PGAP4: variants seen among roughly 807,000 people sequenced by gnomAD.
The protein encoded by PGAP4 is post-GPI attachment to proteins GalNAc transferase 4.
Under a neutral mutation model 28.2 loss-of-function variants are expected in PGAP4, and 12 were observed. That is an observed-to-expected ratio of 0.42 (90% CI 0.27 to 0.69). The LOEUF is 0.69. Ranked by LOEUF, PGAP4 falls within the 30% of genes least tolerant of loss-of-function variation. The pLI is 0.22. For synonymous variants in PGAP4, 205 were observed against 211.8 expected, an observed-to-expected ratio of 0.97 and a Z score of 0.28; for missense variants, 425 against 513.5, an observed-to-expected ratio of 0.83 and a Z score of 1.67.
chr9:101,515,986 T>C (rs1270847586), intron 2 of PGAP4, among the ~76,000 whole-genome samples: 1 of 152,124 alleles, frequency 6.6e-6, no homozygotes, highest in Admixed American at 6.6e-5. Flanking sequence ...ATGTTAATTA[T>C]CTTGATTTAG....
upstream of PGAP4, among the ~76,000 whole-genome samples, chr9:101,487,599 C>T (rs1405609930): frequency 6.6e-6 from 1 of 152,158 alleles, no homozygotes; most frequent in Non-Finnish European, 1.5e-5. Context: ...GTAACAGCCT[C>T]CTACATTCCA....
chr9:101,493,299 G>A (rs1452856601), intron 2 of PGAP4, among the ~76,000 whole-genome samples: 1 of 151,222 alleles, frequency 6.6e-6, no homozygotes, highest in African/African-American at 2.4e-5. Context: ...ACTAAGTGCA[G>A]TCTTATCTTT....
intron 1 of PGAP4, among the ~76,000 whole-genome samples, chr9:101,481,809 T>C (rs929410164): frequency 6.6e-6 from 1 of 152,192 alleles, no homozygotes; most frequent in Non-Finnish European, 1.5e-5. Context: ...GCACGACCAC[T>C]TTCCCAGGCA....
intron 2 of PGAP4, among the ~76,000 whole-genome samples, chr9:101,509,930 G>A (rs1358859859): frequency 2.6e-5 from 4 of 152,120 alleles, no homozygotes; most frequent in Admixed American, 6.6e-5. Context: ...ATATGTAATC[G>A]TTCAAAGACT....
At chr9:101,495,183 TTTGTATA>T (rs1162847384) in intron 2 of PGAP4, among the ~76,000 whole-genome samples, 6 of 104,630 alleles carry the variant, frequency 5.7e-5, no homozygotes, top group Non-Finnish European at 7.3e-5. Flanking sequence ...ATATATATTT[TTTGTATA>T]ATATAAAATA....
At chr9:101,501,346 T>A (rs1314391298) in intron 2 of PGAP4, among the ~76,000 whole-genome samples, 1 of 152,094 alleles carries the variant, frequency 6.6e-6, no homozygotes, top group Non-Finnish European at 1.5e-5. Context: ...CTGGATCTGA[T>A]GGCTGAACAA....
chr9:101,492,286 C>T (rs1048516035), intron 2 of PGAP4, among the ~76,000 whole-genome samples: 31 of 152,018 alleles, frequency 2.0e-4, no homozygotes, highest in African/African-American at 6.0e-4. Context: ...CTCTGCCTCC[C>T]GGGTTCAAGC....
chr9:101,474,809 C>T lies in PGAP4; in HGVS notation c.*1072G>A, dbSNP rs1826247951. The T allele has an allele frequency of 6.6e-6, 1 of 152,148 alleles. No homozygotes were observed. The highest frequency in any genetic ancestry group is 1.5e-5 in the Non-Finnish European group (1 of 68,030). 9.4% of individuals were successfully genotyped at this position (152,148 alleles called of 1,614,324 possible). A position where few individuals can be genotyped will look rare whatever the true frequency, so the allele number is the denominator to read the frequency against. ...GACTAAGCACTTGCTAGGTGTTTTACATATATTCTGCCATTTAATCCTCAA... is the reference window on the plus strand; with the variant it reads ...GACTAAGCACTTGCTAGGTGTTTTATATATATTCTGCCATTTAATCCTCAA... On this transcript the variant is annotated 3_prime_UTR_variant, in exon 2 of 2. Coordinates refer to ENST00000374848, the MANE Select transcript of PGAP4 (RefSeq NM_032342.3).
chr9:101,521,924 T>C (rs185536148), intron 2 of PGAP4, among the ~76,000 whole-genome samples: 1 of 152,306 alleles, frequency 6.6e-6, no homozygotes, highest in African/African-American at 2.4e-5. Context: ...TTATTGTCCT[T>C]CATTTCAAAT....
At position 101,476,352 on chromosome 9, in the gene PGAP4, G is replaced by A. The variant is rs534012682; in HGVS notation, c.741C>T (p.His247=). 26 of 1,614,130 alleles carry A rather than the reference G, an allele frequency of 1.6e-5. No individual in the cohort carries two copies. Among genetic ancestry groups the A allele is most frequent in the East Asian group, 8.9e-5 (4 of 44,852 alleles). Residue 247 remains histidine, a synonymous_variant, in exon 2 of 2, where the codon CAC becomes CAT. Transcript: ENST00000374848. The surrounding 1 kb of genome is among the most constrained non-coding windows in gnomAD (Gnocchi z 7.0). ...LRDALYLKLY[H]PERLQHYINP... ...TGATGTAGTGCTGGAGCCTCTCGGG[G>A]TGATACAGCTTGAGATAAAGGGCAT...
chr9:101,515,414 T>C (rs1826935556), intron 2 of PGAP4, among the ~76,000 whole-genome samples: 1 of 152,102 alleles, frequency 6.6e-6, no homozygotes, highest in Admixed American at 6.6e-5. Context: ...CAAAGACCCT[T>C]TTGCCATATA....
intron 2 of PGAP4, among the ~76,000 whole-genome samples, chr9:101,515,234 C>G (rs529821154): frequency 6.6e-5 from 10 of 152,274 alleles, no homozygotes; most frequent in African/African-American, 2.2e-4. Context: ...GAGGCTGCTG[C>G]ATCCTTGGGC....
chr9:101,476,084 T>A lies in PGAP4; in HGVS notation c.1009A>T (p.Met337Leu). The stretch of plus-strand genomic sequence containing the variant: ...CGGGCCGCAGGTGCCGGGAAGAGCA[T>A]GGCTGGGGTGCAACACTGAGAGGCA... ...VPASQCCTPAMLFPAPAARRT... is the reference protein window; with the variant it reads ...VPASQCCTPALLFPAPAARRT... The change falls in exon 2 of 2, where the codon ATG becomes TTG. Residue 337 changes from methionine to leucine, a missense_variant. By Grantham distance (15) the Met-to-Leu change is conservative. Transcript: ENST00000374848. This position sits in a 1 kb window ranked among gnomAD's most constrained non-coding sequence, Gnocchi z 7.0. The A allele has an allele frequency of 6.2e-7, 1 of 1,613,962 alleles. No individual in the cohort carries two copies. Among genetic ancestry groups the A allele is most frequent in the South Asian group, 1.1e-5 (1 of 91,072 alleles).
At chr9:101,477,388 T>C (rs1826359230) in intron 1 of PGAP4, among the ~76,000 whole-genome samples, 1 of 152,110 alleles carries the variant, frequency 6.6e-6, no homozygotes, top group African/African-American at 2.4e-5. Flanking sequence ...ATTATTTCTA[T>C]GAGTAATACG....
chr9:101,486,444 C>G lies in PGAP4; in HGVS notation c.-78+505G>C, dbSNP rs957287807. Among the ~76,000 whole-genome samples the G allele has an allele frequency of 6.6e-6, 1 of 152,206 alleles. No individual in the cohort carries two copies. The highest frequency in any genetic ancestry group is 1.5e-5 in the Non-Finnish European group (1 of 68,028). ...CCGCAGAAACCCAACACTGCTGCCG[C>G]GCTCTCGGCGCGCCCGGCGAACCTA... On this transcript the variant is annotated intron_variant, in intron 1 of 1. Coordinates refer to ENST00000374848, the MANE Select transcript of PGAP4 (RefSeq NM_032342.3). This position sits in a 1 kb window ranked among gnomAD's most constrained non-coding sequence, Gnocchi z 4.7.
chr9:101,489,423 G>A (rs867454367), upstream of PGAP4, among the ~76,000 whole-genome samples: 5 of 152,150 alleles, frequency 3.3e-5, no homozygotes, highest in Middle Eastern at 3.4e-3. Flanking sequence ...AACCAATAAG[G>A]CATAGTGCAG....
intron 1 of PGAP4, among the ~76,000 whole-genome samples, chr9:101,481,864 C>A (rs1826497223): frequency 6.6e-6 from 1 of 152,168 alleles, no homozygotes; most frequent in African/African-American, 2.4e-5. Flanking sequence ...CACCTCCACG[C>A]AGTCACTTCC....
intron 2 of PGAP4, among the ~76,000 whole-genome samples, chr9:101,521,221 T>C (rs2118627727): frequency 6.6e-6 from 1 of 152,316 alleles, no homozygotes; most frequent in South Asian, 2.1e-4. Flanking sequence ...ATTAGGGTGA[T>C]GCTGGCTTCA....
chr9:101,520,363 G>A (rs536555070), intron 2 of PGAP4, among the ~76,000 whole-genome samples: 105 of 152,210 alleles, frequency 6.9e-4, no homozygotes, highest in African/African-American at 2.4e-3. Context: ...GTTTCCATTT[G>A]TTCATGTCAT....
Sources: allele counts gnomAD v4.1 joint callset (sites outside exome capture counted in the v4.1 genomes callset), GRCh38; gene constraint gnomAD v4.1.1; non-coding constraint Gnocchi (gnomAD v3.1); transcripts MANE v1.5; gene names NCBI Gene and HGNC (gene_info 2026-07-23, HGNC 2026-07-21).